METTL15: variants seen among roughly 807,000 people sequenced by gnomAD.
METTL15 encodes the protein methyltransferase 15, mitochondrial 12S rRNA N4-cytidine, also known as 12S rRNA N(4)-cytidine methyltransferase METTL15.
A neutral mutation model predicts 38.3 loss-of-function variants in METTL15; 34 were observed. The observed-to-expected ratio is 0.89, with a 90% CI of 0.68 to 1.18. METTL15 has a LOEUF of 1.18. Among genes scored for constraint, METTL15 ranks in the 50% most tolerant of loss-of-function variants. METTL15 has a pLI of 0.00. For missense variants in METTL15, 438 were observed against 498.4 expected (o/e 0.88, Z 1.15); for synonymous variants, 162 against 170.9 (o/e 0.95, Z 0.41).
In METTL15 at chr11:28,220,491, C is replaced by A. The variant is rs796748590; in HGVS notation, c.407+9293C>A. On this transcript the variant is annotated intron_variant, in intron 4 of 6. Coordinates refer to ENST00000407364, the MANE Select transcript of METTL15 (RefSeq NM_001113528.2). ...AGATGGGTTTCCTGAATACAGCACA[C>A]TGATGAGTCTTGACTCTTTATCCAA... 6.6e-5 allele frequency among the ~76,000 whole-genome samples: 10 copies of A among 152,236 alleles called. 1 individual carries two copies. The highest frequency in any genetic ancestry group is 2.4e-4 in the African/African-American group (10 of 41,542).
intron 4 of METTL15, among the ~76,000 whole-genome samples, chr11:28,277,853 A>C (rs1855902904): frequency 6.6e-6 from 1 of 152,154 alleles, no homozygotes; most frequent in South Asian, 2.1e-4. Context: ...CATTTTGATC[A>C]TATGGAGGTT....
chr11:28,395,824 G>C (rs1032706977), intron 5 of METTL15, among the ~76,000 whole-genome samples: 3 of 152,150 alleles, frequency 2.0e-5, no homozygotes, highest in Non-Finnish European at 2.9e-5. Context: ...TATCCCTGAT[G>C]AACATCGATG....
intron 4 of METTL15, among the ~76,000 whole-genome samples, chr11:28,359,705 C>T (rs142972245): frequency 1.7e-4 from 26 of 152,142 alleles, no homozygotes; most frequent in East Asian, 1.9e-4. Context: ...TACACTTGTG[C>T]GTCTTTCTAC....
chr11:28,296,674 A>G (rs540915725), intron 5 of METTL15, 79 bp from the exon 6 acceptor site: 2 of 1,471,652 alleles, frequency 1.4e-6, no homozygotes, highest in East Asian at 2.3e-5. Flanking sequence ...GTCTGACTTT[A>G]TGTCTCAGTA....
chr11:28,152,200 TATA>T (rs1470699417), intron 3 of METTL15, among the ~76,000 whole-genome samples: 14 of 152,024 alleles, frequency 9.2e-5, no homozygotes, highest in Admixed American at 2.0e-4. Context: ...TAGGAAATGA[TATA>T]ATTAGTTTTA....
chr11:28,175,216 C>T lies in METTL15; in HGVS notation c.271-35846C>T, dbSNP rs895483378. ...TGCGGTGTTTGGTTTTTTGTCCTTG[C>T]GATAGTTTGCTGAGAATGATGGTTT... On this transcript the variant is annotated intron_variant, in intron 3 of 6. Coordinates refer to ENST00000407364, the MANE Select transcript of METTL15 (RefSeq NM_001113528.2). Among the ~76,000 whole-genome samples the T allele has an allele frequency of 1.6e-4, 24 of 151,600 alleles. 1 individual carries two copies. Among genetic ancestry groups the T allele is most frequent in the East Asian group, 1.9e-4 (1 of 5,144 alleles).
At chr11:28,459,690 T>C (rs749926722) in intron 6 of METTL15, among the ~76,000 whole-genome samples, 19 of 152,176 alleles carry the variant, frequency 1.2e-4, no homozygotes, top group Non-Finnish European at 2.5e-4. Flanking sequence ...AAAAAACCAA[T>C]TTCTATCTAT....
chr11:28,314,651 C>T (rs1336486641), intron 6 of METTL15, among the ~76,000 whole-genome samples: 1 of 152,100 alleles, frequency 6.6e-6, no homozygotes, highest in African/African-American at 2.4e-5. Context: ...TTTCAGGTAT[C>T]CCATCTATGC....
intron 4 of METTL15, among the ~76,000 whole-genome samples, chr11:28,276,935 C>G (rs945902039): frequency 6.6e-6 from 1 of 152,072 alleles, no homozygotes; most frequent in Non-Finnish European, 1.5e-5. Context: ...TTAAGTTAAA[C>G]GTGAGAGCGG....
chr11:28,242,742 A>G (rs1293613811), intron 4 of METTL15, among the ~76,000 whole-genome samples: 1 of 152,160 alleles, frequency 6.6e-6, no homozygotes, highest in African/African-American at 2.4e-5. Context: ...AGTGATTTTC[A>G]AAGCATTCTC....
At chr11:28,214,895 A>C (rs919612441) in intron 4 of METTL15, among the ~76,000 whole-genome samples, 1 of 152,218 alleles carries the variant, frequency 6.6e-6, no homozygotes, top group African/African-American at 2.4e-5. Context: ...GACAACAAGG[A>C]AGTAAGCCCT....
At chr11:28,408,792 A>G (rs1419566907) in intron 5 of METTL15, among the ~76,000 whole-genome samples, 1 of 152,206 alleles carries the variant, frequency 6.6e-6, no homozygotes, top group East Asian at 1.9e-4. Flanking sequence ...GTACATATAT[A>G]TCAAATCTTG....
intron 5 of METTL15, among the ~76,000 whole-genome samples, chr11:28,375,246 A>T (rs1266060755): frequency 7.4e-6 from 1 of 135,840 alleles, no homozygotes; most frequent in Non-Finnish European, 1.6e-5. Flanking sequence ...GAATGGTACC[A>T]GTTCCTCCTT....
chr11:28,405,383 T>C (rs1414607060), intron 5 of METTL15, among the ~76,000 whole-genome samples: 2 of 152,170 alleles, frequency 1.3e-5, no homozygotes, highest in East Asian at 1.9e-4. Context: ...ATTAAACTTA[T>C]TCTAACTTAT....
chr11:28,386,686 T>A (rs1445482440), intron 5 of METTL15, among the ~76,000 whole-genome samples: 1 of 151,948 alleles, frequency 6.6e-6, no homozygotes, highest in African/African-American at 2.4e-5. Context: ...AAATAGAGGA[T>A]GTGGACAACA....
chr11:28,304,912 T>TA (rs1857029238), intron 6 of METTL15, among the ~76,000 whole-genome samples: 1 of 152,170 alleles, frequency 6.6e-6, no homozygotes, highest in Admixed American at 6.5e-5. Flanking sequence ...GGAAAAGTGT[T>TA]AGAGTGTTCA....
At chr11:28,420,007 G>C (rs1391515159) in intron 5 of METTL15, among the ~76,000 whole-genome samples, 1 of 151,896 alleles carries the variant, frequency 6.6e-6, no homozygotes, top group Admixed American at 6.6e-5. Flanking sequence ...AGAGAATGAA[G>C]ACCGTCTACA....
intron 3 of METTL15, chr11:28,163,448 C>T (rs1850541641): frequency 5.0e-6 from 2 of 398,062 alleles, no homozygotes; most frequent in Admixed American, 4.4e-5. Context: ...CAAATTTTTC[C>T]TCTTGTAACT....
At chr11:28,226,574 A>G (rs17244387) in intron 4 of METTL15, among the ~76,000 whole-genome samples, 18,340 of 151,802 alleles carry the variant, frequency 0.12, 1,501 homozygotes, top group Non-Finnish European at 0.18. Flanking sequence ...TGCCATTTTT[A>G]ATTTTTGGCC....
Sources: gnomAD v4.1 joint callset for allele counts (sites outside exome capture counted in the v4.1 genomes callset) on GRCh38, gnomAD v4.1.1 for gene constraint, MANE v1.5 for transcripts, NCBI Gene and HGNC (gene_info 2026-07-23, HGNC 2026-07-21) for gene names.